The following PRKN variants were observed in gnomAD, a reference collection of about 807,000 sequenced individuals.
PRKN encodes the protein E3 ubiquitin-protein ligase parkin.
In PRKN, 56 loss-of-function variants were observed where a neutral mutation model predicts 59.5. The observed-to-expected ratio is 0.94, with a 90% confidence interval of 0.76 to 1.18. PRKN has a LOEUF of 1.18. PRKN is among the 50% of genes most tolerant of loss of function. The pLI is 0.00. For synonymous variants in PRKN, 250 were observed against 222.1 expected (o/e 1.13, Z -1.12); for missense variants, 657 against 596.4 (o/e 1.10, Z -1.06).
At chr6:161,768,691 T>C (rs1347591227) in intron 7 of PRKN, among the ~76,000 whole-genome samples, 1 of 152,218 alleles carries the variant, frequency 6.6e-6, no homozygotes, top group Non-Finnish European at 1.5e-5. Context: ...TCCATTAGAA[T>C]ACCGTGACCC....
chr6:162,133,588 T>C (rs1781457413), intron 4 of PRKN, among the ~76,000 whole-genome samples: 1 of 152,118 alleles, frequency 6.6e-6, no homozygotes, highest in African/African-American at 2.4e-5. Flanking sequence ...ATCAATTTTG[T>C]AGTCATCCAT....
At chr6:162,412,824 T>C (rs1480946755) in intron 2 of PRKN, among the ~76,000 whole-genome samples, 1 of 152,150 alleles carries the variant, frequency 6.6e-6, no homozygotes, top group Non-Finnish European at 1.5e-5. Flanking sequence ...CAAGTATCCA[T>C]ATTTGGATTA....
At position 162,115,757 on chromosome 6, in the gene PRKN, TA is replaced by T. The variant is rs1432096337; in HGVS notation, c.535-61584del. Among the ~76,000 whole-genome samples the T allele has an allele frequency of 3.3e-5, 5 of 152,170 alleles. No homozygotes were observed. The East Asian group carries it at 9.7e-4, about 29-fold the overall frequency. ...GGTCAAGATGGCTTCTGGAGATAGA[TA>T]AAAGCGGATGTCTGAAGTAGACTCC... On this transcript the variant is annotated intron_variant, in intron 4 of 11. Coordinates refer to ENST00000366898, the MANE Select transcript of PRKN (RefSeq NM_004562.3).
chr6:162,692,355 T>C (rs1777807455), intron 1 of PRKN, among the ~76,000 whole-genome samples: 1 of 152,148 alleles, frequency 6.6e-6, no homozygotes, highest in Non-Finnish European at 1.5e-5. Context: ...AACCTCTAAG[T>C]GCTTGGAGTA....
rs144184709 is a variant in PRKN, at chr6:162,379,445, T to G, written c.171+63865A>C. ...GATTAGAAGGGGTAAGAGAAAGATA[T>G]TTGACATACTTCTTTCTCTACCCCT... On this transcript the variant is annotated intron_variant, in intron 2 of 11. Transcript: ENST00000366898. Among the ~76,000 whole-genome samples the G allele has an allele frequency of 1.7e-3, 263 of 152,278 alleles. 1 individual carries two copies. Among genetic ancestry groups the G allele is most frequent in the South Asian group, 0.016 (77 of 4,824 alleles).
chr6:162,567,547 C>A (rs1246324338), intron 1 of PRKN, among the ~76,000 whole-genome samples: 1 of 152,034 alleles, frequency 6.6e-6, no homozygotes, highest in Non-Finnish European at 1.5e-5. Flanking sequence ...AAATTAAATT[C>A]TTAGGAATTA....
At chr6:161,770,457 T>A (rs1374541509) in intron 7 of PRKN, among the ~76,000 whole-genome samples, 2 of 66,744 alleles carry the variant, frequency 3.0e-5, no homozygotes, top group Non-Finnish European at 7.5e-5. Flanking sequence ...AGAGCCTTTA[T>A]TTATTTATTT....
At chr6:162,175,674 C>A (rs554119039) in intron 4 of PRKN, among the ~76,000 whole-genome samples, 1 of 152,120 alleles carries the variant, frequency 6.6e-6, no homozygotes, top group Non-Finnish European at 1.5e-5. Context: ...AAGGCCACCA[C>A]TTGATATAGA....
At chr6:161,662,167 G>A (rs535189388) in intron 7 of PRKN, among the ~76,000 whole-genome samples, 2 of 152,310 alleles carry the variant, frequency 1.3e-5, no homozygotes, top group East Asian at 1.9e-4. Flanking sequence ...TCTTCAGTAA[G>A]CCATCAGGGG....
Position 161,787,455 on chromosome 6 carries a change from C to CT in PRKN, c.735-1548dup, listed in dbSNP as rs1790466549. 2.0e-5 allele frequency among the ~76,000 whole-genome samples: 3 copies of CT among 152,284 alleles called. No homozygotes were observed. In the South Asian group the frequency reaches 6.2e-4, roughly 32 times the overall value. ...ATACACATGCTCAAGCACACACATA[C>CT]TTTTTTCACTTTGCGACCCTATGAA... On this transcript the variant is annotated intron_variant, in intron 6 of 11. Transcript: ENST00000366898.
intron 7 of PRKN, among the ~76,000 whole-genome samples, chr6:161,646,608 G>A (rs1346706142): frequency 6.6e-6 from 1 of 152,116 alleles, no homozygotes; most frequent in East Asian, 1.9e-4. Context: ...AGGAGGTGGT[G>A]TATCAGTGAC....
At chr6:161,724,651 T>C (rs151176738) in intron 7 of PRKN, among the ~76,000 whole-genome samples, 28 of 152,342 alleles carry the variant, frequency 1.8e-4, no homozygotes, top group African/African-American at 6.5e-4. Context: ...CATTTTGTTT[T>C]TCTTTGTATT....
At chr6:162,373,914 T>C (rs886322096) in intron 2 of PRKN, among the ~76,000 whole-genome samples, 1 of 152,148 alleles carries the variant, frequency 6.6e-6, no homozygotes, top group Non-Finnish European at 1.5e-5. Flanking sequence ...GAAAATGATG[T>C]ACAGAAAATG....
In PRKN at chr6:161,385,510, G is replaced by T. The variant is rs9355894; in HGVS notation, c.1167+1284C>A. Among the ~76,000 whole-genome samples the T allele has an allele frequency of 0.16, 24,543 of 152,116 alleles. 2,066 individuals are homozygous for T. Among genetic ancestry groups the T allele is most frequent in the South Asian group, 0.27 (1,287 of 4,824 alleles). On this transcript the variant is annotated intron_variant, in intron 10 of 11. Transcript: ENST00000366898. This position sits in a 1 kb window ranked among gnomAD's most constrained non-coding sequence, Gnocchi z 4.9. ...GAAGAATGAATGGGATTAGAGGGAG[G>T]GTCAGGCGCCTGGATGGCTTTAGGT... is the stretch of plus-strand genomic sequence containing the variant.
intron 4 of PRKN, among the ~76,000 whole-genome samples, chr6:162,130,313 A>C (rs1341689848): frequency 4.6e-5 from 7 of 152,306 alleles, no homozygotes; most frequent in Non-Finnish European, 8.8e-5. Flanking sequence ...ACACAACAGA[A>C]GGTTTCTATT....
intron 7 of PRKN, among the ~76,000 whole-genome samples, chr6:161,764,882 C>T (rs772961559): frequency 6.6e-6 from 1 of 152,154 alleles, no homozygotes; most frequent in East Asian, 1.9e-4. Flanking sequence ...ATCAGAAAAG[C>T]AACTGCAAAT....
At chr6:161,492,017 T>C (rs1777577711) in intron 9 of PRKN, among the ~76,000 whole-genome samples, 1 of 152,160 alleles carries the variant, frequency 6.6e-6, no homozygotes, top group Admixed American at 6.5e-5. Context: ...GTTGGGAGAA[T>C]TAAGTAAGGT....
Position 161,576,022 on chromosome 6 carries a change from C to T in PRKN, c.872-6606G>A, listed in dbSNP as rs1357565805. ...TGCAGCAGTGAAGGAATCCAGTGGG[C>T]GGCTTGCTACTCCAGCTAAGCCAGG... is the stretch of plus-strand genomic sequence containing the variant. On this transcript the variant is annotated intron_variant, in intron 7 of 11. Transcript: ENST00000366898. This position sits in a 1 kb window ranked among gnomAD's most constrained non-coding sequence, Gnocchi z 4.6. Among the ~76,000 whole-genome samples the T allele has an allele frequency of 6.6e-6, 1 of 152,144 alleles. No individual in the cohort carries two copies. The highest frequency in any genetic ancestry group is 1.5e-5 in the Non-Finnish European group (1 of 68,034).
chr6:161,635,884 C>T (rs1783495422), intron 7 of PRKN, among the ~76,000 whole-genome samples: 2 of 152,200 alleles, frequency 1.3e-5, no homozygotes, highest in South Asian at 4.1e-4. Context: ...TGTGTCCAGG[C>T]TTTTTTGATA....
Sources: gnomAD v4.1 joint callset for allele counts (sites outside exome capture counted in the v4.1 genomes callset) on GRCh38, gnomAD v4.1.1 for gene constraint, Gnocchi (gnomAD v3.1) non-coding constraint, MANE v1.5 for transcripts, NCBI Gene and HGNC (gene_info 2026-07-23, HGNC 2026-07-21) for gene names.